The following SLC24A2 variants were observed in gnomAD, a reference collection of about 807,000 sequenced individuals.
SLC24A2 encodes solute carrier family 24 member 2.
A neutral mutation model predicts 62.0 loss-of-function variants in SLC24A2; 36 were observed. The observed-to-expected ratio is 0.58, with a 90% CI of 0.44 to 0.77. The LOEUF (loss-of-function observed/expected upper bound fraction) is 0.77, where lower values mean the gene tolerates loss of function less well. Among genes scored for constraint, SLC24A2 ranks in the 30% least tolerant of loss-of-function variants. The probability of loss-of-function intolerance (pLI) is 0.00; values close to 1 mark genes in which losing one functional copy is unlikely to be tolerated. For synonymous variants in SLC24A2, 358 were observed against 294.0 expected (o/e 1.22, Z -2.23); for missense variants, 846 against 817.9 (o/e 1.03, Z -0.42).
At chr9:20,106,177 A>G in the SLC24A2 span, among the ~76,000 whole-genome samples, 10 of 152,360 alleles carry the variant, frequency 6.6e-5, no homozygotes, top group South Asian at 1.0e-3. Context: ...ATAGACCAAT[A>G]ACAGGATCTG....
At chr9:19,682,031 G>C (rs1416479277) in intron 2 of SLC24A2, among the ~76,000 whole-genome samples, 1 of 152,084 alleles carries the variant, frequency 6.6e-6, no homozygotes, top group African/African-American at 2.4e-5. Flanking sequence ...GTCCAAATTT[G>C]CTAGCTTGAT....
the SLC24A2 span, among the ~76,000 whole-genome samples, chr9:19,794,269 C>G: frequency 2.0e-5 from 3 of 151,866 alleles, no homozygotes; most frequent in Admixed American, 6.6e-5. Context: ...AATTAAGCTT[C>G]TCTTTGCAAT....
the SLC24A2 span, among the ~76,000 whole-genome samples, chr9:20,283,754 G>C: frequency 3.6e-5 from 4 of 111,104 alleles, no homozygotes; most frequent in Non-Finnish European, 5.3e-5. Context: ...AAAAAAAAGG[G>C]GGGGGGGGGC....
chr9:19,638,931 C>T (rs1159832154), intron 2 of SLC24A2, among the ~76,000 whole-genome samples: 5 of 147,450 alleles, frequency 3.4e-5, no homozygotes, highest in African/African-American at 1.3e-4. Flanking sequence ...AGAATTTCTA[C>T]CTTTGAACAA....
At chr9:20,145,561 T>TA in the SLC24A2 span, among the ~76,000 whole-genome samples, 1 of 151,652 alleles carries the variant, frequency 6.6e-6, no homozygotes, top group African/African-American at 2.4e-5. Context: ...GTTCTTTTTT[T>TA]TAAAAAAAAG....
At chr9:20,227,376 C>A in the SLC24A2 span, among the ~76,000 whole-genome samples, 1 of 152,040 alleles carries the variant, frequency 6.6e-6, no homozygotes, top group Non-Finnish European at 1.5e-5. Flanking sequence ...CACTTACTTG[C>A]ATCATCTTTG....
the SLC24A2 span, among the ~76,000 whole-genome samples, chr9:19,988,763 C>G: frequency 1.3e-5 from 2 of 152,212 alleles, no homozygotes; most frequent in African/African-American, 2.4e-5. Flanking sequence ...ACACACATAT[C>G]AGGCTCTGAA....
intron 10 of SLC24A2, 43 bp downstream of exon 10, chr9:19,520,851 T>C (rs752340949): frequency 1.9e-5 from 30 of 1,593,076 alleles, no homozygotes; most frequent in Non-Finnish European, 2.5e-5. Context: ...ACAAAGACAC[T>C]GGTGGAGCTG....
chr9:19,834,514 A>G, the SLC24A2 span, among the ~76,000 whole-genome samples: 1 of 152,150 alleles, frequency 6.6e-6, no homozygotes, highest in African/African-American at 2.4e-5. Context: ...GTGTGAAGAG[A>G]AGTTTAGAGA....
intron 5 of SLC24A2, among the ~76,000 whole-genome samples, chr9:19,595,533 C>T (rs1227018743): frequency 2.6e-5 from 4 of 152,186 alleles, no homozygotes; most frequent in Non-Finnish European, 5.9e-5. Flanking sequence ...CCATGGTTCT[C>T]ATTTCATACA....
chr9:19,659,711 G>T (rs934430024), intron 2 of SLC24A2, among the ~76,000 whole-genome samples: 1 of 152,154 alleles, frequency 6.6e-6, no homozygotes, highest in African/African-American at 2.4e-5. Flanking sequence ...TTTCAGACCA[G>T]GTGGGTCTGT....
the SLC24A2 span, among the ~76,000 whole-genome samples, chr9:20,290,900 G>A: frequency 2.0e-3 from 307 of 152,288 alleles, no homozygotes; most frequent in Middle Eastern, 3.4e-3. Flanking sequence ...GATTTCAAGA[G>A]GACTGGACCA....
At chr9:19,646,310 T>G (rs951083635) in intron 2 of SLC24A2, among the ~76,000 whole-genome samples, 6 of 152,316 alleles carry the variant, frequency 3.9e-5, no homozygotes, top group South Asian at 2.1e-4. Context: ...GAAGAGAAAT[T>G]GTGCTTTTAC....
intron 5 of SLC24A2, among the ~76,000 whole-genome samples, chr9:19,578,397 T>G (rs1232898930): frequency 6.7e-6 from 1 of 148,770 alleles, no homozygotes; most frequent in Non-Finnish European, 1.5e-5. Context: ...GTGCAGAGAT[T>G]AGGGAAACAG....
chr9:20,234,269 G>C, the SLC24A2 span, among the ~76,000 whole-genome samples: 6 of 152,082 alleles, frequency 3.9e-5, no homozygotes, highest in Non-Finnish European at 5.9e-5. Flanking sequence ...TTTGAATGTT[G>C]GCCTGCCTTG....
the SLC24A2 span, among the ~76,000 whole-genome samples, chr9:20,147,250 G>A: frequency 6.6e-6 from 1 of 152,122 alleles, no homozygotes; most frequent in Non-Finnish European, 1.5e-5. Context: ...TCTCTCCTTT[G>A]AGTCGGAGGC....
chr9:20,184,740 T>C, the SLC24A2 span, among the ~76,000 whole-genome samples: 1 of 152,080 alleles, frequency 6.6e-6, no homozygotes, highest in Non-Finnish European at 1.5e-5. Flanking sequence ...GATCCAGCAA[T>C]CTCACTGCTT....
intron 7 of SLC24A2, among the ~76,000 whole-genome samples, chr9:19,551,873 G>C (rs928501180): frequency 6.6e-6 from 1 of 152,134 alleles, no homozygotes; most frequent in African/African-American, 2.4e-5. Context: ...CTCCCTAGGA[G>C]TTACAATTTG....
intron 8 of SLC24A2, among the ~76,000 whole-genome samples, chr9:19,543,705 A>G (rs867569537): frequency 1.7e-4 from 26 of 152,162 alleles, no homozygotes; most frequent in African/African-American, 6.0e-4. Context: ...GTCATTCAGG[A>G]GCATGTTGTT....
Sources: allele counts gnomAD v4.1 joint callset (sites outside exome capture counted in the v4.1 genomes callset), GRCh38; gene constraint gnomAD v4.1.1; transcripts MANE v1.5; gene names NCBI Gene and HGNC (gene_info 2026-07-23, HGNC 2026-07-21).